DGKG: variants seen among roughly 807,000 people sequenced by gnomAD.
The protein encoded by DGKG is DAG kinase gamma.
DGKG carries 78 observed loss-of-function variants against 105.3 expected under a neutral mutation model. The ratio of observed to expected loss-of-function variants is 0.74; its 90% CI spans 0.62 to 0.89. The LOEUF is 0.89. Among genes scored for constraint, DGKG ranks in the 40% least tolerant of loss-of-function variants. The pLI is 0.00. For synonymous variants in DGKG, 346 were observed against 367.1 expected (o/e 0.94, Z 0.66); for missense variants, 958 against 1,020.1 (o/e 0.94, Z 0.83).
chr3:186,274,551 C>T (rs1341081969), intron 10 of DGKG, among the ~76,000 whole-genome samples: 3 of 112,330 alleles, frequency 2.7e-5, no homozygotes, highest in Non-Finnish European at 3.4e-5. Flanking sequence ...CCCCACCCCA[C>T]GACAGGCCCC....
chr3:186,273,876 C>T (rs574843431), intron 10 of DGKG, among the ~76,000 whole-genome samples: 3 of 152,346 alleles, frequency 2.0e-5, no homozygotes, highest in Non-Finnish European at 4.4e-5. Flanking sequence ...CTGAGTGTTG[C>T]TGTCCACATC....
At chr3:186,287,578 T>C (rs909927964) in intron 6 of DGKG, among the ~76,000 whole-genome samples, 2 of 152,264 alleles carry the variant, frequency 1.3e-5, no homozygotes, top group Non-Finnish European at 2.9e-5. Context: ...ACCTTCTCTT[T>C]GGTAGTCACT....
intron 19 of DGKG, among the ~76,000 whole-genome samples, chr3:186,248,296 G>A (rs1274798788): frequency 6.6e-6 from 1 of 152,222 alleles, no homozygotes; most frequent in Non-Finnish European, 1.5e-5. Flanking sequence ...AGGCAGCTGC[G>A]CTGTAACCTG....
At chr3:186,353,337 G>A (rs369532549) in intron 1 of DGKG, among the ~76,000 whole-genome samples, 4 of 151,958 alleles carry the variant, frequency 2.6e-5, no homozygotes, top group East Asian at 3.9e-4. Context: ...GCCTGAACAT[G>A]GTGAAACCCC....
At chr3:186,311,023 T>A (rs1306377634) in intron 2 of DGKG, among the ~76,000 whole-genome samples, 1 of 152,230 alleles carries the variant, frequency 6.6e-6, no homozygotes, top group Non-Finnish European at 1.5e-5. Context: ...ACTGGATACT[T>A]GAACACTGGT....
At chr3:186,254,220 G>A (rs139130932) in intron 17 of DGKG, among the ~76,000 whole-genome samples, 125 of 152,224 alleles carry the variant, frequency 8.2e-4, no homozygotes, top group African/African-American at 2.7e-3. Context: ...ATGTGATTGC[G>A]GCGTGAGGAG....
intron 15 of DGKG, 92 bp from the exon 16 acceptor site, chr3:186,260,605 C>G (rs1721724149): frequency 1.1e-6 from 1 of 952,298 alleles, no homozygotes; most frequent in Non-Finnish European, 1.6e-6. Context: ...ACCTCTGGAG[C>G]CCACTGGTGG....
At chr3:186,285,945 C>T (rs1422736215) in intron 6 of DGKG, among the ~76,000 whole-genome samples, 1 of 152,216 alleles carries the variant, frequency 6.6e-6, no homozygotes, top group Non-Finnish European at 1.5e-5. Flanking sequence ...TGCCAAAGTG[C>T]TGGGATTACA....
chr3:186,275,710 A>G (rs1295770492), intron 9 of DGKG, 46 bp from the exon 10 acceptor site: 4 of 1,411,992 alleles, frequency 2.8e-6, no homozygotes, highest in South Asian at 1.2e-5. Flanking sequence ...CTGCCCTGAG[A>G]TGGAGGAAGC....
chr3:186,282,360 C>T (rs748840246), intron 7 of DGKG, among the ~76,000 whole-genome samples: 14 of 152,156 alleles, frequency 9.2e-5, no homozygotes, highest in Admixed American at 2.0e-4. Flanking sequence ...ACAGGGATTC[C>T]GGTGAAAGGT....
At chr3:186,335,251 G>A (rs1339535640) in intron 1 of DGKG, among the ~76,000 whole-genome samples, 1 of 151,948 alleles carries the variant, frequency 6.6e-6, no homozygotes, top group East Asian at 1.9e-4. Flanking sequence ...TTTTTTTAAT[G>A]TTTTTAGTAG....
chr3:186,299,462 G>A (rs1578797294), intron 3 of DGKG, among the ~76,000 whole-genome samples: 2 of 152,174 alleles, frequency 1.3e-5, no homozygotes, highest in East Asian at 3.9e-4. Context: ...CACCAGGCTT[G>A]GCTGTTCTAT....
At chr3:186,304,089 C>A (rs1230348986) in intron 3 of DGKG, among the ~76,000 whole-genome samples, 1 of 152,200 alleles carries the variant, frequency 6.6e-6, no homozygotes, top group Non-Finnish European at 1.5e-5. Flanking sequence ...CGGCTGCGTG[C>A]TCATAGCAGC....
At chr3:186,194,803 TAAAAA>T (rs57878064) in intron 21 of DGKG, among the ~76,000 whole-genome samples, 1 of 105,410 alleles carries the variant, frequency 9.5e-6, no homozygotes, top group Non-Finnish European at 1.8e-5. Flanking sequence ...GGTCTTTCTT[TAAAAA>T]AAAAAAAAAA....
chr3:186,201,506 T>C (rs986379737), intron 21 of DGKG, among the ~76,000 whole-genome samples: 3 of 152,190 alleles, frequency 2.0e-5, no homozygotes, highest in African/African-American at 7.2e-5. Context: ...TGGCATTTCC[T>C]GTCCTGGTTC....
intron 17 of DGKG, among the ~76,000 whole-genome samples, chr3:186,256,589 A>G (rs961528557): frequency 3.9e-5 from 6 of 151,990 alleles, no homozygotes; most frequent in Non-Finnish European, 7.4e-5. Context: ...AAACCATCCA[A>G]TGTCATGGGA....
chr3:186,269,934 A>G (rs1274492244), intron 11 of DGKG, among the ~76,000 whole-genome samples: 1 of 152,156 alleles, frequency 6.6e-6, no homozygotes, highest in Admixed American at 6.5e-5. Flanking sequence ...CTGAACCCTC[A>G]GTTCCCTCCC....
intron 10 of DGKG, among the ~76,000 whole-genome samples, chr3:186,273,010 G>A (rs1426927739): frequency 1.3e-5 from 2 of 152,244 alleles, no homozygotes; most frequent in Admixed American, 6.5e-5. Flanking sequence ...GTAAGCCACC[G>A]CACCTGGCCA....
chr3:186,307,094 T>C (rs1177864776), intron 2 of DGKG, 117 bp from the exon 3 acceptor site: 2 of 704,406 alleles, frequency 2.8e-6, no homozygotes, highest in Non-Finnish European at 5.0e-6. Context: ...TCCCAGAAAA[T>C]CTGGAGAAAT....
Sources: gnomAD v4.1 joint callset for allele counts (sites outside exome capture counted in the v4.1 genomes callset) on GRCh38, gnomAD v4.1.1 for gene constraint, MANE v1.5 for transcripts, NCBI Gene and HGNC (gene_info 2026-07-23, HGNC 2026-07-21) for gene names.